The following PLD5 variants were observed in gnomAD, a reference collection of about 807,000 sequenced individuals.
PLD5 encodes the protein phospholipase D family member 5, also known as inactive phospholipase D5.
PLD5 carries 36 observed loss-of-function variants against 61.1 expected under a neutral mutation model. That is an observed-to-expected ratio of 0.59 (90% CI 0.45 to 0.78). The LOEUF (loss-of-function observed/expected upper bound fraction) is 0.78, where lower values mean the gene tolerates loss of function less well. PLD5 is among the 30% of genes least tolerant of loss of function. The pLI is 0.00. For synonymous variants in PLD5, 243 were observed against 242.8 expected, an observed-to-expected ratio of 1.00 and a Z score of -0.01; for missense variants, 515 against 644.4, an observed-to-expected ratio of 0.80 and a Z score of 2.17.
chr1:242,281,964 G>T (rs1286085595), intron 3 of PLD5, among the ~76,000 whole-genome samples: 1 of 152,146 alleles, frequency 6.6e-6, no homozygotes, highest in Non-Finnish European at 1.5e-5. Context: ...TATCTACCCA[G>T]AGTCTCACGT....
upstream of PLD5, among the ~76,000 whole-genome samples, chr1:242,525,631 G>T (rs963208279): frequency 1.3e-5 from 2 of 152,150 alleles, no homozygotes; most frequent in South Asian, 4.1e-4. Flanking sequence ...TCTCGTGTCT[G>T]GTTAAAAGCT....
chr1:242,165,581 C>CTGAT (rs1354866294), intron 5 of PLD5, among the ~76,000 whole-genome samples: 12 of 152,090 alleles, frequency 7.9e-5, no homozygotes, highest in Admixed American at 7.2e-4. Context: ...TCTATTCTGA[C>CTGAT]TGATAGGTGT....
At chr1:242,297,854 T>C (rs981714433) in intron 2 of PLD5, among the ~76,000 whole-genome samples, 3 of 151,518 alleles carry the variant, frequency 2.0e-5, no homozygotes, top group African/African-American at 7.3e-5. Context: ...TTAGCCAGGA[T>C]GGTCTCGATC....
intron 5 of PLD5, among the ~76,000 whole-genome samples, chr1:242,187,183 G>C (rs1667961518): frequency 6.6e-6 from 1 of 152,164 alleles, no homozygotes; most frequent in South Asian, 2.1e-4. Flanking sequence ...TTCCTCAATA[G>C]AGTCAAAGTC....
chr1:242,107,884 T>C (rs372005793), intron 7 of PLD5, 45 bp from the exon 8 acceptor site: 21 of 1,517,010 alleles, frequency 1.4e-5, no homozygotes, highest in Non-Finnish European at 1.9e-5. Context: ...TAAGTTAGTT[T>C]GGGAAAAGAA....
intron 4 of PLD5, among the ~76,000 whole-genome samples, chr1:242,238,479 G>A (rs1417985483): frequency 1.3e-5 from 2 of 152,172 alleles, no homozygotes; most frequent in Non-Finnish European, 2.9e-5. Context: ...CTTAGAGAGT[G>A]ACAAACACAC....
At chr1:242,327,205 C>T (rs2149196249) in intron 2 of PLD5, among the ~76,000 whole-genome samples, 1 of 151,594 alleles carries the variant, frequency 6.6e-6, no homozygotes, top group Middle Eastern at 3.4e-3. Context: ...CGGGGTCTCA[C>T]TATGTTGCCC....
intron 2 of PLD5, among the ~76,000 whole-genome samples, chr1:242,327,230 C>G (rs973170052): frequency 6.6e-6 from 1 of 151,942 alleles, no homozygotes; most frequent in African/African-American, 2.4e-5. Flanking sequence ...TGGTCTTGAA[C>G]AGCTAGGCTC....
At chr1:242,364,906 G>A (rs1363412684) in intron 1 of PLD5, among the ~76,000 whole-genome samples, 2 of 151,854 alleles carry the variant, frequency 1.3e-5, no homozygotes, top group Admixed American at 6.6e-5. Flanking sequence ...ACAAAAATCA[G>A]TGAATCAGAA....
intron 9 of PLD5, among the ~76,000 whole-genome samples, chr1:242,097,784 C>A (rs1236906370): frequency 6.6e-6 from 1 of 152,310 alleles, no homozygotes; most frequent in Admixed American, 6.5e-5. Flanking sequence ...GCATTTGTTG[C>A]CATTGCTTTT....
chr1:242,254,365 A>G (rs2149087188), intron 4 of PLD5, among the ~76,000 whole-genome samples: 1 of 145,382 alleles, frequency 6.9e-6, no homozygotes, highest in South Asian at 2.2e-4. Context: ...AAAAAAAAAA[A>G]GAAAGAAAGG....
Position 242,193,883 on chromosome 1 carries a change from GGAT to G in PLD5, c.735+26102_735+26104del, listed in dbSNP as rs1165879838. On this transcript the variant is annotated intron_variant, in intron 5 of 9. Coordinates refer to ENST00000536534, the MANE Select transcript of PLD5 (RefSeq NM_001372062.1). ...TAAACTAAGTGGAGACAATTGACAG[GGAT>G]GATTATCCTTCCAAAGTCTTCACTG... Among the ~76,000 whole-genome samples, 6 of 152,286 alleles carry G rather than the reference GGAT, an allele frequency of 3.9e-5. No homozygotes were observed. In the East Asian group the frequency reaches 1.2e-3, roughly 29 times the overall value.
intron 1 of PLD5, among the ~76,000 whole-genome samples, chr1:242,426,300 G>A (rs1409472514): frequency 1.7e-5 from 2 of 115,616 alleles, no homozygotes; most frequent in Non-Finnish European, 3.3e-5. Context: ...GCCTGAGACC[G>A]TTTCCAGTTA....
intron 5 of PLD5, among the ~76,000 whole-genome samples, chr1:242,162,047 A>G (rs1005228502): frequency 4.6e-5 from 7 of 152,188 alleles, no homozygotes; most frequent in African/African-American, 1.7e-4. Flanking sequence ...AACAAAATAA[A>G]TATTTGGCAT....
At chr1:242,467,543 T>TA (rs1432979430) in intron 1 of PLD5, among the ~76,000 whole-genome samples, 2 of 152,168 alleles carry the variant, frequency 1.3e-5, no homozygotes, top group Non-Finnish European at 2.9e-5. Context: ...CTTGACCAAA[T>TA]ATAGCAATTT....
At chr1:242,509,466 A>G (rs925652236) in intron 1 of PLD5, among the ~76,000 whole-genome samples, 2 of 152,234 alleles carry the variant, frequency 1.3e-5, no homozygotes, top group Non-Finnish European at 1.5e-5. Flanking sequence ...TTTTGTCAAT[A>G]TAAATGCTAG....
intron 5 of PLD5, among the ~76,000 whole-genome samples, chr1:242,152,877 T>C (rs1471959555): frequency 6.6e-6 from 1 of 152,194 alleles, no homozygotes; most frequent in East Asian, 1.9e-4. Context: ...TATCCAGTAA[T>C]GGGATTGCTG....
intron 1 of PLD5, among the ~76,000 whole-genome samples, chr1:242,416,383 C>T (rs181731318): frequency 2.6e-5 from 4 of 152,070 alleles, no homozygotes; most frequent in Admixed American, 2.6e-4. Context: ...GAAAGGATTA[C>T]CACTAGTGTA....
At position 242,490,441 on chromosome 1, in the gene PLD5, T is replaced by C. The variant is rs559788809; in HGVS notation, c.189+33647A>G. On this transcript the variant is annotated intron_variant, in intron 1 of 9. Coordinates refer to ENST00000536534, the MANE Select transcript of PLD5 (RefSeq NM_001372062.1). ...ATTTTCTTTCAGTCTTTCTCTTAAA[T>C]ATAAACTTTCAAAACTATACCTCGA... is the stretch of plus-strand genomic sequence containing the variant. Among the ~76,000 whole-genome samples, 4 of 152,360 alleles carry C rather than the reference T, an allele frequency of 2.6e-5. No homozygotes were observed. In the South Asian group the frequency reaches 8.3e-4, roughly 32 times the overall value.
Sources: allele counts gnomAD v4.1 joint callset (sites outside exome capture counted in the v4.1 genomes callset), GRCh38; gene constraint gnomAD v4.1.1; transcripts MANE v1.5; gene names NCBI Gene and HGNC (gene_info 2026-07-23, HGNC 2026-07-21).